Variants in CLASP1 observed in about 807,000 individuals in gnomAD.
The protein encoded by CLASP1 is CLIP-associating protein 1.
Under a neutral mutation model 192.3 loss-of-function variants are expected in CLASP1, and 38 were observed. The ratio of observed to expected loss-of-function variants is 0.20; its 90% CI spans 0.15 to 0.26. The LOEUF (loss-of-function observed/expected upper bound fraction) is 0.26. Ranked by LOEUF, CLASP1 falls within the 10% of genes least tolerant of loss-of-function variation. The pLI, the probability that CLASP1 is intolerant of heterozygous loss-of-function variation, is 1.00. For synonymous variants in CLASP1, 691 were observed against 712.8 expected, an observed-to-expected ratio of 0.97 and a Z score of 0.49; for missense variants, 1,433 against 1,932.5, an observed-to-expected ratio of 0.74 and a Z score of 4.85.
chr2:121,636,369 A>AATC (rs1456935277), intron 1 of CLASP1, among the ~76,000 whole-genome samples: 1 of 145,430 alleles, frequency 6.9e-6, no homozygotes, highest in African/African-American at 2.5e-5. Flanking sequence ...TAATAATAAT[A>AATC]ATAATAAATT....
chr2:121,611,961 G>A (rs2105990376), intron 1 of CLASP1, among the ~76,000 whole-genome samples: 1 of 151,122 alleles, frequency 6.6e-6, no homozygotes, highest in East Asian at 2.0e-4. Flanking sequence ...TGGAGAAGGA[G>A]GCATTGGAGG....
At chr2:121,562,573 G>A (rs1488575235) in intron 2 of CLASP1, among the ~76,000 whole-genome samples, 2 of 152,198 alleles carry the variant, frequency 1.3e-5, no homozygotes, top group Admixed American at 6.5e-5. Context: ...GTAGAATACT[G>A]AACAGCTCTT....
At chr2:121,598,914 AGAGTGCAGT>A (rs2063453118) in intron 2 of CLASP1, among the ~76,000 whole-genome samples, 1 of 152,108 alleles carries the variant, frequency 6.6e-6, no homozygotes, top group African/African-American at 2.4e-5. Context: ...TGCCCAGGCT[AGAGTGCAGT>A]GGTGCAACCT....
chr2:121,425,085 T>C, intron 22 of CLASP1, 54 bp downstream of exon 22: 1 of 1,521,154 alleles, frequency 6.6e-7, no homozygotes, highest in Non-Finnish European at 8.9e-7. Flanking sequence ...TAGATTATAA[T>C]CAAAACTATG....
intron 1 of CLASP1, among the ~76,000 whole-genome samples, chr2:121,634,583 G>A (rs1052904952): frequency 2.0e-5 from 3 of 152,108 alleles, no homozygotes; most frequent in Admixed American, 6.6e-5. Context: ...CTGTCCCTTT[G>A]TCCAAACAAA....
intron 8 of CLASP1, among the ~76,000 whole-genome samples, chr2:121,478,728 AC>A (rs2092043527): frequency 2.8e-5 from 2 of 72,698 alleles, no homozygotes; most frequent in Admixed American, 1.7e-4. Flanking sequence ...CCACACACAC[AC>A]CACACACACA....
At chr2:121,359,671 A>T (rs1180419210) in intron 37 of CLASP1, among the ~76,000 whole-genome samples, 1 of 152,250 alleles carries the variant, frequency 6.6e-6, no homozygotes, top group Non-Finnish European at 1.5e-5. Flanking sequence ...ACTGAAACTC[A>T]ATAGCAAAAT....
intron 8 of CLASP1, among the ~76,000 whole-genome samples, chr2:121,489,481 A>C (rs1423305932): frequency 1.3e-5 from 2 of 152,226 alleles, no homozygotes; most frequent in Non-Finnish European, 2.9e-5. Context: ...ACTCTGTGCA[A>C]TACCTGTTTC....
At chr2:121,593,403 T>C (rs954771108) in intron 2 of CLASP1, among the ~76,000 whole-genome samples, 1 of 152,046 alleles carries the variant, frequency 6.6e-6, no homozygotes, top group African/African-American at 2.4e-5. Context: ...GTGGATCACC[T>C]GAGGTCAGGA....
intron 34 of CLASP1, among the ~76,000 whole-genome samples, chr2:121,373,181 A>G (rs2069134359): frequency 6.6e-6 from 1 of 152,184 alleles, no homozygotes; most frequent in Non-Finnish European, 1.5e-5. Flanking sequence ...GTGAGTTCTC[A>G]TAAGACCTGG....
At position 121,430,070 on chromosome 2, in the gene CLASP1, T is replaced by C. The variant is rs756077551; in HGVS notation, c.2017+3A>G. 1 of 1,556,654 alleles carries C rather than the reference T, an allele frequency of 6.4e-7. No individual in the cohort carries two copies. On this transcript the variant is annotated splice_donor_region_variant and intron_variant, in intron 20 of 39. Coordinates refer to ENST00000263710, the Ensembl canonical transcript of CLASP1. ...AAGCAAGAGCATAAAATATGTTTCT[T>C]ACGCTGGGACTGTGAAACCACTTTA...
intron 39 of CLASP1, among the ~76,000 whole-genome samples, chr2:121,341,535 A>C (rs1003368755): frequency 3.3e-5 from 5 of 152,270 alleles, no homozygotes; most frequent in Admixed American, 1.3e-4. Context: ...TATGCTGTCT[A>C]TAAGAAATTC....
chr2:121,363,179 T>A (rs770853916), exon 37 of CLASP1: 8 of 1,614,008 alleles, frequency 5.0e-6, no homozygotes, highest in Non-Finnish European at 6.8e-6. Flanking sequence ...CACCTCCTTA[T>A]GGGAGTCTTT....
intron 19 of CLASP1, among the ~76,000 whole-genome samples, chr2:121,430,581 T>G (rs1320964898): frequency 1.3e-5 from 2 of 152,158 alleles, no homozygotes; most frequent in African/African-American, 4.8e-5. Context: ...AAATATTTAC[T>G]GTCACTGTAA....
intron 19 of CLASP1, 82 bp downstream of exon 19, chr2:121,447,255 T>C: frequency 8.0e-7 from 1 of 1,247,226 alleles, no homozygotes; most frequent in Non-Finnish European, 1.1e-6. Context: ...GCCTCAATCA[T>C]GGGTTTGTAT....
At chr2:121,490,842 C>T (rs1248834267) in intron 8 of CLASP1, among the ~76,000 whole-genome samples, 2 of 152,190 alleles carry the variant, frequency 1.3e-5, no homozygotes, top group Non-Finnish European at 2.9e-5. Flanking sequence ...CTATCCCAAA[C>T]CTTGTAATAT....
intron 19 of CLASP1, among the ~76,000 whole-genome samples, chr2:121,435,582 C>T (rs755220650): frequency 5.9e-5 from 9 of 152,102 alleles, no homozygotes; most frequent in Non-Finnish European, 1.3e-4. Context: ...CCTATTTTTA[C>T]CTTTTTATAT....
At position 121,457,545 on chromosome 2, in the gene CLASP1, T is replaced by G. The variant is rs1008097904; in HGVS notation, c.1385+142A>C. ...TCCCAAAATATTTAGATCTTGATTC[T>G]TCAACTCAAAGTCATTTACTGCAGT... On this transcript the variant is annotated intron_variant, in intron 14 of 39. Transcript: ENST00000263710. 5 of 646,324 alleles carry G rather than the reference T, an allele frequency of 7.7e-6. No homozygotes were observed. In the African/African-American group the frequency reaches 9.2e-5, roughly 12 times the overall value. The allele number at this position is 646,324 out of a possible 1,614,324, so 40.0% of individuals were successfully genotyped here. A position where few individuals can be genotyped will look rare whatever the true frequency, so the allele number is the denominator to read the frequency against.
At chr2:121,511,823 G>C (rs2094145127) in intron 7 of CLASP1, among the ~76,000 whole-genome samples, 1 of 152,110 alleles carries the variant, frequency 6.6e-6, no homozygotes, top group South Asian at 2.1e-4. Context: ...AAATCTAGTT[G>C]AATCTCTGTG....
Sources: allele counts gnomAD v4.1 joint callset (sites outside exome capture counted in the v4.1 genomes callset), GRCh38; gene constraint gnomAD v4.1.1; transcripts MANE v1.5; gene names NCBI Gene and HGNC (gene_info 2026-07-23, HGNC 2026-07-21).